Variants in SPAG16 observed in about 807,000 individuals in gnomAD.
The protein encoded by SPAG16 is sperm-associated antigen 16 protein.
Under a neutral mutation model 80.4 loss-of-function variants are expected in SPAG16, and 86 were observed. That is an observed-to-expected ratio of 1.07 (90% CI 0.90 to 1.28). The LOEUF is 1.28. SPAG16 is among the 50% of genes most tolerant of loss of function. SPAG16 has a pLI of 0.00. For missense variants in SPAG16, 870 were observed against 765.3 expected (o/e 1.14, Z -1.61); for synonymous variants, 294 against 265.9 (o/e 1.11, Z -1.03).
chr2:214,173,137 GT>G (rs1219515543), intron 15 of SPAG16, among the ~76,000 whole-genome samples: 1 of 151,852 alleles, frequency 6.6e-6, no homozygotes, highest in Non-Finnish European at 1.5e-5. Context: ...TTTTGTTGCC[GT>G]TGCTTTTGGT....
chr2:213,546,349 CTCTT>C (rs2076611572), intron 10 of SPAG16, among the ~76,000 whole-genome samples: 1 of 152,000 alleles, frequency 6.6e-6, no homozygotes. Flanking sequence ...TGTTATTACT[CTCTT>C]TGTTTTTTGT....
chr2:214,138,378 ATTC>A (rs1449641093), intron 14 of SPAG16, among the ~76,000 whole-genome samples: 1 of 152,068 alleles, frequency 6.6e-6, no homozygotes. Context: ...GGTGATAAGA[ATTC>A]TTCTCACGCC....
chr2:213,878,561 G>T (rs2076227197), intron 11 of SPAG16, among the ~76,000 whole-genome samples: 1 of 152,034 alleles, frequency 6.6e-6, no homozygotes, highest in Admixed American at 6.6e-5. Context: ...TCATTACCCT[G>T]TCAGATACAT....
At chr2:214,194,912 T>C (rs2125705512) in intron 15 of SPAG16, among the ~76,000 whole-genome samples, 1 of 152,190 alleles carries the variant, frequency 6.6e-6, no homozygotes, top group East Asian at 1.9e-4. Context: ...CATCCATATG[T>C]GGTAGCCATT....
intron 14 of SPAG16, among the ~76,000 whole-genome samples, chr2:214,114,928 G>A (rs2053859499): frequency 6.6e-6 from 1 of 152,054 alleles, no homozygotes. Context: ...GTTCCTATTT[G>A]GCCATCTTGG....
At chr2:214,356,938 C>A (rs1464782728) in intron 15 of SPAG16, among the ~76,000 whole-genome samples, 1 of 151,892 alleles carries the variant, frequency 6.6e-6, no homozygotes, top group East Asian at 1.9e-4. Context: ...GTCCATTCAT[C>A]CCAAGTAATC....
intron 10 of SPAG16, among the ~76,000 whole-genome samples, chr2:213,779,607 C>T (rs1217036599): frequency 6.6e-6 from 1 of 152,052 alleles, no homozygotes; most frequent in East Asian, 1.9e-4. Flanking sequence ...ATTATCATTC[C>T]CTGAATAGGG....
intron 13 of SPAG16, among the ~76,000 whole-genome samples, chr2:214,035,461 C>T (rs983013840): frequency 6.6e-6 from 1 of 152,216 alleles, no homozygotes; most frequent in African/African-American, 2.4e-5. Context: ...CCCTCAACCC[C>T]CCTCACATAC....
chr2:214,195,673 T>C (rs533346518), intron 15 of SPAG16, among the ~76,000 whole-genome samples: 84 of 152,056 alleles, frequency 5.5e-4, no homozygotes, highest in African/African-American at 1.9e-3. Flanking sequence ...CTGAGGTCAT[T>C]ACTGAGATGA....
At chr2:213,436,725 A>T (rs1241728963) in intron 9 of SPAG16, among the ~76,000 whole-genome samples, 1 of 152,148 alleles carries the variant, frequency 6.6e-6, no homozygotes, top group Admixed American at 6.5e-5. Context: ...TCTTTATCTT[A>T]AATAATGTTT....
At chr2:214,031,404 C>G (rs1241742239) in intron 13 of SPAG16, among the ~76,000 whole-genome samples, 2 of 113,940 alleles carry the variant, frequency 1.8e-5, no homozygotes, top group Non-Finnish European at 3.3e-5. Flanking sequence ...CACATGGACA[C>G]AGGAAGGGGA....
At chr2:213,705,191 T>C (rs1226347085) in intron 10 of SPAG16, among the ~76,000 whole-genome samples, 6 of 151,566 alleles carry the variant, frequency 4.0e-5, no homozygotes, top group African/African-American at 1.5e-4. Flanking sequence ...GAGCTTGCAG[T>C]GAGCCGTGAT....
At chr2:214,189,084 A>G (rs1407160933) in intron 15 of SPAG16, among the ~76,000 whole-genome samples, 1 of 152,116 alleles carries the variant, frequency 6.6e-6, no homozygotes, top group Non-Finnish European at 1.5e-5. Context: ...CCATTTGTAT[A>G]AGTATGTTGT....
chr2:213,489,305 A>G (rs1297637765), intron 9 of SPAG16, among the ~76,000 whole-genome samples: 2 of 151,972 alleles, frequency 1.3e-5, no homozygotes, highest in Admixed American at 6.6e-5. Flanking sequence ...TCTTTTTTCC[A>G]CTGAGGAAGG....
In SPAG16 at chr2:213,443,188, A is replaced by G. The variant is rs145555100; in HGVS notation, c.943-46775A>G. Among the ~76,000 whole-genome samples the G allele has an allele frequency of 3.9e-5, 6 of 152,252 alleles. No homozygotes were observed. In the East Asian group the frequency reaches 1.2e-3, roughly 29 times the overall value. On this transcript the variant is annotated intron_variant, in intron 9 of 15. Transcript: ENST00000331683. ...TTTGTGGTGAGAGTACCTAATATCT[A>G]CTTTCTTAGCAAATTTTTAGTATGC...
chr2:213,958,676 A>G (rs1192764277), intron 12 of SPAG16, among the ~76,000 whole-genome samples: 1 of 152,214 alleles, frequency 6.6e-6, no homozygotes, highest in African/African-American at 2.4e-5. Context: ...TTAGCCTCTT[A>G]CATTATTCAG....
At chr2:214,093,577 A>T (rs1394902743) in intron 13 of SPAG16, among the ~76,000 whole-genome samples, 1 of 151,844 alleles carries the variant, frequency 6.6e-6, no homozygotes, top group Non-Finnish European at 1.5e-5. Context: ...GTGATTGTGT[A>T]CTCATGCACG....
chr2:213,865,522 G>A (rs866444094), intron 11 of SPAG16, among the ~76,000 whole-genome samples: 1 of 150,462 alleles, frequency 6.6e-6, no homozygotes, highest in African/African-American at 2.4e-5. Flanking sequence ...AAGAAAAAAA[G>A]AAAATAAGTG....
chr2:214,219,154 C>T (rs1297577540), intron 15 of SPAG16, among the ~76,000 whole-genome samples: 1 of 151,976 alleles, frequency 6.6e-6, no homozygotes, highest in African/African-American at 2.4e-5. Flanking sequence ...TTGTGGTATC[C>T]ACAAATTTGG....
Sources: allele counts gnomAD v4.1 joint callset (sites outside exome capture counted in the v4.1 genomes callset), GRCh38; gene constraint gnomAD v4.1.1; transcripts MANE v1.5; gene names NCBI Gene and HGNC (gene_info 2026-07-23, HGNC 2026-07-21).